Variants in GEMIN4 observed in about 807,000 individuals in gnomAD.
GEMIN4 encodes gem nuclear organelle associated protein 4.
In GEMIN4, 59 loss-of-function variants were observed where a neutral mutation model predicts 76.8. That is an observed-to-expected ratio of 0.77 (90% CI 0.62 to 0.95). The LOEUF (loss-of-function observed/expected upper bound fraction) is 0.95. GEMIN4 is among the 40% of genes least tolerant of loss of function. GEMIN4 has a pLI of 0.00. For missense variants in GEMIN4, 1,311 were observed against 1,318.9 expected (o/e 0.99, Z 0.09); for synonymous variants, 562 against 559.7 (o/e 1.00, Z -0.06).
At position 747,404 on chromosome 17, in the gene GEMIN4, C is replaced by T. The variant is rs552437432; in HGVS notation, c.639G>A (p.Met213Ile). Reference sequence around the variant, plus strand: ...CGCGGAGCAGCATGGCCAACAGGGGCATGGTGGGGCACGCGTCTGGGTCTG... The same window carrying T: ...CGCGGAGCAGCATGGCCAACAGGGGTATGGTGGGGCACGCGTCTGGGTCTG... ...LRSDPDACPT[M>I]PLLAMLLRGL... The change falls in exon 2 of 2, where the codon ATG (methionine) becomes ATA (isoleucine). Residue 213 changes from methionine to isoleucine, a missense_variant. This residue lies in a region of GEMIN4 where 1,208 missense variants were observed against 1,166.9 expected (regional missense o/e 1.04). Coordinates refer to ENST00000319004, the MANE Select transcript of GEMIN4 (RefSeq NM_015721.3). 2.9e-4 allele frequency: 466 copies of T among 1,613,832 alleles called. 7 individuals are homozygous for T. In the South Asian group the frequency reaches 4.8e-3, roughly 17 times the overall value.
Position 747,110 on chromosome 17 carries a change from C to T in GEMIN4, c.933G>A (p.Glu311=). 6.2e-7 allele frequency: 1 copy of T among 1,613,800 alleles called. No individual in the cohort carries two copies. The highest frequency in any genetic ancestry group is 1.6e-4 in the Middle Eastern group (1 of 6,062). The change falls in exon 2 of 2, where the codon GAG becomes GAA. Residue 311 remains glutamate (E), a synonymous_variant. Coordinates refer to ENST00000319004, the MANE Select transcript of GEMIN4 (RefSeq NM_015721.3). ...GGAACTCGCAGCCCACGAAAATGGT[C>T]TCACTGGGGAGTTTGGCCAGCGAGG... ...SLTSLAKLPS[E]TIFVGCEFLH...
chr17:748,226 G>T, intron 1 of GEMIN4, 194 bp from the exon 2 acceptor site: 1 of 571,792 alleles, frequency 1.7e-6, no homozygotes, highest in Non-Finnish European at 3.1e-6. Context: ...AATGGCTTCC[G>T]AGCTCTCCAG....
At chr17:752,373 C>T (rs1308637976), upstream of GEMIN4, 2 of 971,456 alleles carry the variant, frequency 2.1e-6, no homozygotes, top group Non-Finnish European at 2.7e-6. Context: ...CTCCCACCAG[C>T]CCTCAGGTAC....
rs756777307 is a variant in GEMIN4 at position 746,573 on chromosome 17, G to A, written c.1470C>T (p.Leu490=). 5 of 1,613,644 alleles carry A rather than the reference G, an allele frequency of 3.1e-6. No homozygotes were observed. Among genetic ancestry groups the A allele is most frequent in the South Asian group, 2.2e-5 (2 of 91,090 alleles). ...GGACTTTATTTTTACCTGGCAGGGA[G>A]AGGTCTGCGTAACATTCCAGGATCA... ...IHLILECYAD[L]SLPGKNKVLA... Residue 490 remains leucine (L), a synonymous_variant, in exon 2 of 2, where the codon CTC becomes CTT. Coordinates refer to ENST00000319004, the MANE Select transcript of GEMIN4 (RefSeq NM_015721.3). The surrounding 1 kb of genome is among the most constrained non-coding windows in gnomAD (Gnocchi z 4.3).
Position 747,899 on chromosome 17 carries a change from C to G in GEMIN4, c.144G>C (p.Glu48Asp). 6.2e-7 allele frequency: 1 copy of G among 1,613,914 alleles called. No homozygotes were observed. The highest frequency in any genetic ancestry group is 8.5e-7 in the Non-Finnish European group (1 of 1,179,892). ...DWERVGRPIV[E>D]ALREISSAAA... The stretch of plus-strand genomic sequence containing the variant: ...CAGCCGAGGAGATCTCCCTTAAGGC[C>G]TCCACGATGGGCCGTCCAACACGTT... Residue 48 changes from glutamate to aspartate, a missense_variant, in exon 2 of 2, where the codon GAG becomes GAC. By Grantham distance (45) the Glu-to-Asp change is conservative. This residue lies in a region of GEMIN4 where 103 missense variants were observed against 152.0 expected (regional missense o/e 0.68). Transcript: ENST00000319004.
chr17:752,234 A>T lies in GEMIN4; in HGVS notation c.-92T>A. ...GGACGCACGGCACGATGGGAGACGC[A>T]GGAGCCACGGCGGCCGCGCTTAGGC... On this transcript the variant is annotated 5_prime_UTR_variant, in exon 1 of 2. Transcript: ENST00000319004. 1.5e-5 allele frequency: 19 copies of T among 1,228,708 alleles called. No homozygotes were observed. The highest frequency in any genetic ancestry group is 1.9e-5 in the Non-Finnish European group (19 of 985,534). 76.1% of individuals were successfully genotyped at this position (1,228,708 alleles called of 1,614,324 possible).
At position 745,476 on chromosome 17, in the gene GEMIN4, G is replaced by A; in HGVS notation, c.2567C>T (p.Ala856Val). The part of the protein sequence containing the change: ...VRLFSKGFLV[A>V]LVQVMPWCSP... ...GCACCAAGGCATGACTTGCACCAGGGCCACCAGAAAGCCTTTGCTGAACAG... is the reference window on the plus strand; with the variant it reads ...GCACCAAGGCATGACTTGCACCAGGACCACCAGAAAGCCTTTGCTGAACAG... Residue 856 changes from alanine to valine, a missense_variant, in exon 2 of 2, where the codon GCC becomes GTC. Ala to Val is a moderately conservative substitution (Grantham distance 64). Around this residue, in one of 2 missense-constraint regions of GEMIN4, gnomAD observed 1,208 missense variants for 1,166.9 expected, o/e 1.04. Coordinates refer to ENST00000319004, the MANE Select transcript of GEMIN4 (RefSeq NM_015721.3). This position sits in a 1 kb window ranked among gnomAD's most constrained non-coding sequence, Gnocchi z 4.6. 1 of 1,611,978 alleles carries A rather than the reference G, an allele frequency of 6.2e-7. No individual in the cohort carries two copies.
At position 747,053 on chromosome 17, in the gene GEMIN4, C is replaced by A. The variant is rs1490105115; in HGVS notation, c.990G>T (p.Glu330Asp). ...LHHLLREWGE[E>D]LQAVLRSSQG... The stretch of plus-strand genomic sequence containing the variant: ...GGCTGCTGCGGAGCACGGCCTGCAA[C>A]TCCTCCCCCCACTCCCGCAGCAGGT... Residue 330 changes from glutamate to aspartate, a missense_variant, in exon 2 of 2, where the codon GAG becomes GAT. Physicochemically the swap from Glu to Asp is conservative, Grantham distance 45. This residue lies in a region of GEMIN4 where 1,208 missense variants were observed against 1,166.9 expected (regional missense o/e 1.04). Coordinates refer to ENST00000319004, the MANE Select transcript of GEMIN4 (RefSeq NM_015721.3). 1.2e-6 allele frequency: 2 copies of A among 1,613,506 alleles called. No individual in the cohort carries two copies. Among genetic ancestry groups the A allele is most frequent in the Admixed American group, 1.7e-5 (1 of 60,020 alleles).
At position 747,612 on chromosome 17, in the gene GEMIN4, A is replaced by C. The variant is rs762125341; in HGVS notation, c.431T>G (p.Phe144Cys). 18 of 1,613,786 alleles carry C rather than the reference A, an allele frequency of 1.1e-5. No homozygotes were observed. In the African/African-American group the frequency reaches 2.4e-4, roughly 22 times the overall value. ...AGTGTCAACGGTCACATGTTCCAGAAAGCGCTCTAGTTCTGCATGGCAGAT... is the reference window on the plus strand; with the variant it reads ...AGTGTCAACGGTCACATGTTCCAGACAGCGCTCTAGTTCTGCATGGCAGAT... ...TTICHAELER[F>C]LEHVTVDTSA... is the part of the protein sequence containing the mutation. The change falls in exon 2 of 2, where the codon TTT (phenylalanine) becomes TGT (cysteine). Residue 144 changes from phenylalanine to cysteine, a missense_variant. Coordinates refer to ENST00000319004, the MANE Select transcript of GEMIN4 (RefSeq NM_015721.3).
chr17:753,081 TGGACGCCATGAGGGG>T (rs1365719480), upstream of GEMIN4: 1 of 157,620 alleles, frequency 6.3e-6, no homozygotes, highest in Non-Finnish European at 1.4e-5. Context: ...GCGTCCAAGA[TGGACGCCATGAGGGG>T]CTACGCGGCC....
chr17:751,396 G>A (rs1331165907), intron 1 of GEMIN4, among the ~76,000 whole-genome samples: 1 of 152,086 alleles, frequency 6.6e-6, no homozygotes, highest in Admixed American at 6.5e-5. Context: ...GCGGGGACCA[G>A]ACCATTTCCC....
Position 746,584 on chromosome 17 carries a change from A to C in GEMIN4, c.1459T>G (p.Tyr487Asp). The C allele has an allele frequency of 6.2e-7, 1 of 1,613,678 alleles. No homozygotes were observed. The highest frequency in any genetic ancestry group is 1.1e-5 in the South Asian group (1 of 91,084). ...TTACCTGGCAGGGAGAGGTCTGCGT[A>C]ACATTCCAGGATCAGGTGGATCACC... The part of the protein sequence containing the change: ...RQVIHLILEC[Y>D]ADLSLPGKNK... Residue 487 changes from tyrosine to aspartate, a missense_variant, in exon 2 of 2, where the codon TAC becomes GAC. Tyr to Asp is a radical substitution (Grantham distance 160, BLOSUM62 -3). Around this residue, in one of 2 missense-constraint regions of GEMIN4, gnomAD observed 1,208 missense variants for 1,166.9 expected, o/e 1.04. Transcript: ENST00000319004. This position sits in a 1 kb window ranked among gnomAD's most constrained non-coding sequence, Gnocchi z 4.3.
chr17:747,663 T>C lies in GEMIN4; in HGVS notation c.380A>G (p.Gln127Arg), dbSNP rs1597558642. ...KSLEASGLFIQLLMALPTTIC... is the reference protein window; with the variant it reads ...KSLEASGLFIRLLMALPTTIC... ...GGTGGTGGGCAGGGCCATCAGGAGC[T>C]GGATAAAGAGTCCAGAAGCTTCCAG... The change falls in exon 2 of 2, where the codon CAG (glutamine) becomes CGG (arginine). Residue 127 changes from glutamine to arginine, a missense_variant. By Grantham distance (43) the Gln-to-Arg change is conservative (BLOSUM62 1). Coordinates refer to ENST00000319004, the MANE Select transcript of GEMIN4 (RefSeq NM_015721.3). 1 of 1,613,810 alleles carries C rather than the reference T, an allele frequency of 6.2e-7. No individual in the cohort carries two copies. The highest frequency in any genetic ancestry group is 1.1e-5 in the South Asian group (1 of 91,066).
rs115320328 is a variant in GEMIN4, at chr17:752,258, G to C, written c.-116C>G. The C allele has an allele frequency of 1.2e-4, 149 of 1,227,338 alleles. 1 individual carries two copies. The African/African-American group carries it at 1.9e-3, about 15-fold the overall frequency. The allele number at this position is 1,227,338 out of a possible 1,614,324, so 76.0% of individuals were successfully genotyped here. ...CAGGAGCCACGGCGGCCGCGCTTAG[G>C]CCTGCTCACAACCTCCGCCCGGCCC... On this transcript the variant is annotated 5_prime_UTR_variant, in exon 1 of 2. Transcript: ENST00000319004.
At position 747,471 on chromosome 17, in the gene GEMIN4, G is replaced by C. The variant is rs757389638; in HGVS notation, c.572C>G (p.Pro191Arg). 1 of 1,613,896 alleles carries C rather than the reference G, an allele frequency of 6.2e-7. No individual in the cohort carries two copies. ...AGGATGGGGGAACTCATCTAAGGCA[G>C]GCAGGTACTTATGGGCCATTGCACT... Reference protein sequence around the residue: ...QFSAMAHKYLPALDEFPHPPK... With the variant: ...QFSAMAHKYLRALDEFPHPPK... Residue 191 changes from proline (P) to arginine (R), a missense_variant, in exon 2 of 2, where the codon CCT becomes CGT. Physicochemically the swap from Pro to Arg is moderately radical, Grantham distance 103. Around this residue, in one of 2 missense-constraint regions of GEMIN4, gnomAD observed 1,208 missense variants for 1,166.9 expected, o/e 1.04. Coordinates refer to ENST00000319004, the MANE Select transcript of GEMIN4 (RefSeq NM_015721.3).
At position 746,703 on chromosome 17, in the gene GEMIN4, A is replaced by G. The variant is rs772447449; in HGVS notation, c.1340T>C (p.Leu447Pro). 22 of 1,613,506 alleles carry G rather than the reference A, an allele frequency of 1.4e-5. No individual in the cohort carries two copies. Among genetic ancestry groups the G allele is most frequent in the African/African-American group, 2.7e-5 (2 of 74,916 alleles). The part of the protein sequence containing the change: ...WVACLGSNRA[L>P]FRQPDLVLRL... The stretch of plus-strand genomic sequence containing the variant: ...CAACACCAAGTCTGGCTGTCGGAAG[A>G]GGGCCCTGTTACTCCCCAGGCAGGC... Residue 447 changes from leucine (L) to proline (P), a missense_variant, in exon 2 of 2, where the codon CTC (leucine) becomes CCC (proline). Transcript: ENST00000319004. This position sits in a 1 kb window ranked among gnomAD's most constrained non-coding sequence, Gnocchi z 4.3.
chr17:750,255 A>T (rs561247322), intron 1 of GEMIN4, among the ~76,000 whole-genome samples: 34 of 152,052 alleles, frequency 2.2e-4, no homozygotes, highest in African/African-American at 7.7e-4. Flanking sequence ...CCTTCTGCAT[A>T]TGTGGGGATA....
In GEMIN4 at chr17:746,506, CAG is replaced by C. The variant is rs1047374756; in HGVS notation, c.1535_1536del (p.Ser512Ter). 5.6e-6 allele frequency: 9 copies of C among 1,614,020 alleles called. No homozygotes were observed. The highest frequency in any genetic ancestry group is 1.3e-5 in the African/African-American group (1 of 75,060). On this transcript the variant is annotated frameshift_variant, in exon 2 of 2. Coordinates refer to ENST00000319004, the MANE Select transcript of GEMIN4 (RefSeq NM_015721.3). LOFTEE classifies it high-confidence loss of function. This position sits in a 1 kb window ranked among gnomAD's most constrained non-coding sequence, Gnocchi z 4.3. ...CCCTCCACATAAGCCAGCAACTTTT[CAG>C]AGAGGCCCTTTCGCCCCCAGGAACG... ...ILRSWGRKGLSEKLLAYVEGF... is the reference protein window; with the variant it reads ...ILRSWGRKGLXEKLLAYVEGF...
Position 747,839 on chromosome 17 carries a change from TTTC to T in GEMIN4, c.201_203del (p.Lys68del). On this transcript the variant is annotated inframe_deletion, in exon 2 of 2. Transcript: ENST00000319004. Reference sequence around the variant, plus strand: ...CCTTGGCCCAGATGATGATCAGGGCTTTCTTCTTCCAGGCAAAGGGCTGGGAGT... The same window carrying T: ...CCTTGGCCCAGATGATGATCAGGGCTTTCTTCCAGGCAAAGGGCTGGGAGT... The T allele has an allele frequency of 2.5e-6, 4 of 1,613,678 alleles. No individual in the cohort carries two copies. The highest frequency in any genetic ancestry group is 3.4e-6 in the Non-Finnish European group (4 of 1,179,840).
Sources: allele counts gnomAD v4.1 joint callset (sites outside exome capture counted in the v4.1 genomes callset), GRCh38; gene constraint gnomAD v4.1.1; regional missense constraint gnomAD v4.1.1; non-coding constraint Gnocchi (gnomAD v3.1); transcripts MANE v1.5; gene names NCBI Gene and HGNC (gene_info 2026-07-23, HGNC 2026-07-21).